ABCC3: variants seen among roughly 807,000 people sequenced by gnomAD.
The protein encoded by ABCC3 is ATP binding cassette subfamily C member 3, also known as ATP-binding cassette sub-family C member 3.
A neutral mutation model predicts 165.3 loss-of-function variants in ABCC3; 121 were observed. That is an observed-to-expected ratio of 0.73 (90% CI 0.63 to 0.85). ABCC3 has a LOEUF of 0.85. Ranked by LOEUF, ABCC3 falls within the 40% of genes least tolerant of loss-of-function variation. The pLI, the probability that ABCC3 is intolerant of heterozygous loss-of-function variation, is 0.00. For synonymous variants in ABCC3, 733 were observed against 810.1 expected (o/e 0.90, Z 1.62); for missense variants, 1,869 against 1,964.1 (o/e 0.95, Z 0.92).
At chr17:50,658,612 C>T in intron 6 of ABCC3, 116 bp downstream of exon 6, 2 of 1,142,114 alleles carry the variant, frequency 1.8e-6, no homozygotes, top group East Asian at 4.7e-5. Context: ...TCCCACCCCC[C>T]ACCGCAGTGG....
chr17:50,668,052 G>T lies in ABCC3; in HGVS notation c.1782+43G>T, dbSNP rs1380183325. On this transcript the variant is annotated intron_variant, in intron 13 of 30. Coordinates refer to ENST00000285238, the MANE Select transcript of ABCC3 (RefSeq NM_003786.4). ...TGGGGGCTCTACTGGAGTTGGAACA[G>T]GTTGTTGGGGTCAGGGAAGGGTCAC... 1.9e-6 allele frequency: 3 copies of T among 1,563,150 alleles called. No homozygotes were observed. The South Asian group carries it at 3.4e-5, about 18-fold the overall frequency.
chr17:50,688,154 C>T (rs954994349), intron 30 of ABCC3, among the ~76,000 whole-genome samples: 1 of 152,000 alleles, frequency 6.6e-6, no homozygotes, highest in Non-Finnish European at 1.5e-5. Flanking sequence ...AAGTGATCCA[C>T]CTGTCTCGGC....
intron 29 of ABCC3, 54 bp downstream of exon 29, chr17:50,684,929 G>A: frequency 6.3e-7 from 1 of 1,583,190 alleles, no homozygotes; most frequent in Non-Finnish European, 8.6e-7. Flanking sequence ...GGGAAACCCT[G>A]GCGGGTGCTG....
At chr17:50,643,639 G>A (rs1966931520) in intron 1 of ABCC3, 1 of 456,208 alleles carries the variant, frequency 2.2e-6, no homozygotes, top group Non-Finnish European at 4.4e-6. Flanking sequence ...TCTCTAGGAG[G>A]AAGGGTGCTC....
chr17:50,675,093 C>T (rs569931428), intron 19 of ABCC3, among the ~76,000 whole-genome samples: 4 of 152,258 alleles, frequency 2.6e-5, no homozygotes, highest in Admixed American at 2.6e-4. Context: ...CCACCATGCC[C>T]GACCAAGGAC....
At chr17:50,679,976 C>T (rs1967900112) in intron 26 of ABCC3, 77 bp downstream of exon 26, 3 of 1,133,080 alleles carry the variant, frequency 2.6e-6, no homozygotes, top group Admixed American at 3.7e-5. Flanking sequence ...CTCTCTCCCT[C>T]AACATCAGGG....
Position 50,655,906 on chromosome 17 carries a change from G to A in ABCC3, c.120G>A (p.Val40=). 6.2e-7 allele frequency: 1 copy of A among 1,614,064 alleles called. No homozygotes were observed. Among genetic ancestry groups the A allele is most frequent in the Non-Finnish European group, 8.5e-7 (1 of 1,180,010 alleles). ...PCFQNSLLAW[V]PCIYLWVALP... ...TCCAGAACTCCCTGCTGGCCTGGGT[G>A]CCCTGCATCTACCTGTGGGTCGCCC... Residue 40 remains valine (V), a synonymous_variant, in exon 2 of 31, where the codon GTG becomes GTA. Transcript: ENST00000285238.
At position 50,677,860 on chromosome 17, in the gene ABCC3, C is replaced by T. The variant is rs1250241706; in HGVS notation, c.3495C>T (p.Asn1165=). ...GTGCCAGTGTCATCCGGGCCTACAA[C>T]CGCAGCCGGGATTTTGAGATCATCA... The part of the protein sequence containing the change: ...VTGASVIRAY[N]RSRDFEIISD... The change falls in exon 24 of 31, where the codon AAC becomes AAT. Residue 1165 remains asparagine (N), a synonymous_variant. Transcript: ENST00000285238. 6 of 1,614,040 alleles carry T rather than the reference C, an allele frequency of 3.7e-6. No homozygotes were observed. The highest frequency in any genetic ancestry group is 4.2e-6 in the Non-Finnish European group (5 of 1,180,042).
chr17:50,656,654 T>A, intron 2 of ABCC3, 48 bp from the exon 3 acceptor site: 3 of 1,570,832 alleles, frequency 1.9e-6, no homozygotes, highest in Non-Finnish European at 2.6e-6. Context: ...CAGTGAGGAC[T>A]GTCCTTGCCT....
At chr17:50,658,616 G>A (rs1325984412) in intron 6 of ABCC3, 120 bp downstream of exon 6, 30 of 1,104,614 alleles carry the variant, frequency 2.7e-5, no homozygotes, top group Middle Eastern at 2.1e-4. Flanking sequence ...ACCCCCCACC[G>A]CAGTGGGCAC....
At chr17:50,665,483 G>T (rs2146617463) in intron 11 of ABCC3, among the ~76,000 whole-genome samples, 1 of 152,328 alleles carries the variant, frequency 6.6e-6, no homozygotes, top group East Asian at 1.9e-4. Flanking sequence ...CCAGAATCAG[G>T]CAGGGCTGGG....
At chr17:50,660,810 C>G in intron 7 of ABCC3, 113 bp from the exon 8 acceptor site, 1 of 893,434 alleles carries the variant, frequency 1.1e-6, no homozygotes, top group Admixed American at 2.5e-5. Context: ...GCTCTGAGAG[C>G]CAAGAAAACA....
chr17:50,678,247 G>A (rs751591268), intron 25 of ABCC3, 28 bp downstream of exon 25: 2 of 1,512,478 alleles, frequency 1.3e-6, no homozygotes, highest in East Asian at 2.3e-5. Flanking sequence ...CCCAGGGCAG[G>A]GCCACCACTG....
intron 7 of ABCC3, 102 bp from the exon 8 acceptor site, chr17:50,660,821 G>A: frequency 2.1e-6 from 2 of 956,742 alleles, no homozygotes; most frequent in South Asian, 1.7e-5. Context: ...CAAGAAAACA[G>A]CTCCTTCCTC....
Position 50,675,979 on chromosome 17 carries a change from A to G in ABCC3, c.2956A>G (p.Ile986Val). The G allele has an allele frequency of 5.0e-6, 8 of 1,614,174 alleles. No homozygotes were observed. The highest frequency in any genetic ancestry group is 2.7e-5 in the African/African-American group (2 of 75,040). The change falls in exon 22 of 31, where the codon ATT (isoleucine) becomes GTT (valine). Residue 986 changes from isoleucine (I) to valine (V), a missense_variant. By Grantham distance (29) the Ile-to-Val change is conservative (BLOSUM62 3). Coordinates refer to ENST00000285238, the MANE Select transcript of ABCC3 (RefSeq NM_003786.4). ...LLYVGQSAAAIGANVWLSAWT... is the reference protein window; with the variant it reads ...LLYVGQSAAAVGANVWLSAWT... ...GTATGTGGGTCAAAGTGCGGCTGCC[A>G]TTGGAGCCAATGTGTGGCTCAGTGC... is the stretch of plus-strand genomic sequence containing the variant.
intron 23 of ABCC3, among the ~76,000 whole-genome samples, chr17:50,676,803 C>T (rs910792069): frequency 2.4e-4 from 37 of 152,170 alleles, no homozygotes; most frequent in Middle Eastern, 3.4e-3. Context: ...CATAGACCTT[C>T]CTCATGGAGT....
In ABCC3 at chr17:50,673,620, C is replaced by G. The variant is rs1213623313; in HGVS notation, c.2561C>G (p.Pro854Arg). Reference protein sequence around the residue: ...SFANFLCNYAPDEDQGHLEDS... With the variant: ...SFANFLCNYARDEDQGHLEDS... ...GCCAACTTTCTCTGCAACTATGCCC[C>G]CGATGAGGACCAAGGGCACCTGGAG... is the stretch of plus-strand genomic sequence containing the variant. Residue 854 changes from proline to arginine, a missense_variant, in exon 19 of 31, where the codon CCC (proline) becomes CGC (arginine). Coordinates refer to ENST00000285238, the MANE Select transcript of ABCC3 (RefSeq NM_003786.4). 1 of 1,614,198 alleles carries G rather than the reference C, an allele frequency of 6.2e-7. No individual in the cohort carries two copies. Among genetic ancestry groups the G allele is most frequent in the South Asian group, 1.1e-5 (1 of 91,080 alleles).
chr17:50,681,499 C>T (rs542771377), intron 26 of ABCC3, among the ~76,000 whole-genome samples: 88 of 152,250 alleles, frequency 5.8e-4, no homozygotes, highest in Middle Eastern at 6.8e-3. Flanking sequence ...GGACGCTTCC[C>T]ATCCACATGC....
chr17:50,658,492 A>G lies in ABCC3; in HGVS notation c.670A>G (p.Thr224Ala). The G allele has an allele frequency of 6.2e-7, 1 of 1,613,948 alleles. No individual in the cohort carries two copies. The highest frequency in any genetic ancestry group is 8.5e-7 in the Non-Finnish European group (1 of 1,179,792). ...CTCCCGCCTGTTTTTCTGGTGGTTC[A>G]CAAAGTGAGTTGGCTCTTCCACCAG... ...FLSRLFFWWF[T>A]KMAIYGYRHP... The change falls in exon 6 of 31, where the codon ACA becomes GCA. Residue 224 changes from threonine (T) to alanine (A), a missense_variant. Physicochemically the swap from Thr to Ala is moderately conservative, Grantham distance 58. Coordinates refer to ENST00000285238, the MANE Select transcript of ABCC3 (RefSeq NM_003786.4).
Sources: gnomAD v4.1 joint callset for allele counts (sites outside exome capture counted in the v4.1 genomes callset) on GRCh38, gnomAD v4.1.1 for gene constraint, MANE v1.5 for transcripts, NCBI Gene and HGNC (gene_info 2026-07-23, HGNC 2026-07-21) for gene names.